The following AMBRA1 variants were observed in gnomAD, a reference collection of about 807,000 sequenced individuals.
The protein encoded by AMBRA1 is autophagy and beclin 1 regulator 1.
A neutral mutation model predicts 125.4 loss-of-function variants in AMBRA1; 47 were observed. The ratio of observed to expected loss-of-function variants is 0.37; its 90% CI spans 0.30 to 0.48. The LOEUF is 0.48. Among genes scored for constraint, AMBRA1 ranks in the 20% least tolerant of loss-of-function variants. The pLI is 0.99. For synonymous variants in AMBRA1, 626 were observed against 655.5 expected (o/e 0.95, Z 0.69); for missense variants, 1,331 against 1,693.4 (o/e 0.79, Z 3.76).
chr11:46,591,626 G>A (rs2044596953), intron 1 of AMBRA1, among the ~76,000 whole-genome samples: 1 of 152,118 alleles, frequency 6.6e-6, no homozygotes, highest in Non-Finnish European at 1.5e-5. Context: ...GGAGGCCAAG[G>A]CAGGTGGATC....
intron 11 of AMBRA1, among the ~76,000 whole-genome samples, chr11:46,455,429 T>G (rs1345852902): frequency 3.9e-5 from 6 of 152,226 alleles, no homozygotes; most frequent in Admixed American, 3.9e-4. Flanking sequence ...ACTATTGGTA[T>G]CTTTTAACAT....
chr11:46,559,856 C>T (rs1231342484), intron 1 of AMBRA1, among the ~76,000 whole-genome samples: 1 of 152,118 alleles, frequency 6.6e-6, no homozygotes, highest in East Asian at 1.9e-4. Flanking sequence ...AGTAATAATA[C>T]CTTCCTTCTA....
intron 1 of AMBRA1, among the ~76,000 whole-genome samples, chr11:46,570,990 C>T (rs2043737775): frequency 6.6e-6 from 1 of 152,174 alleles, no homozygotes; most frequent in African/African-American, 2.4e-5. Context: ...ATACTGTAAC[C>T]ATAACCACTG....
intron 15 of AMBRA1, among the ~76,000 whole-genome samples, chr11:46,413,854 C>T (rs1946409283): frequency 6.6e-6 from 1 of 152,242 alleles, no homozygotes; most frequent in South Asian, 2.1e-4. Context: ...ATGATCCCAA[C>T]ATGTCCTGGT....
At chr11:46,464,829 G>C (rs573277645) in intron 11 of AMBRA1, among the ~76,000 whole-genome samples, 1 of 151,412 alleles carries the variant, frequency 6.6e-6, no homozygotes, top group Admixed American at 6.6e-5. Context: ...GTCGGATCAC[G>C]AGGTCAAGAG....
At position 46,473,134 on chromosome 11, in the gene AMBRA1, G is replaced by A. The variant is rs561055356; in HGVS notation, c.2521+20474C>T. Among the ~76,000 whole-genome samples the A allele has an allele frequency of 2.0e-5, 3 of 152,316 alleles. No homozygotes were observed. In the South Asian group the frequency reaches 6.2e-4, roughly 32 times the overall value. The stretch of plus-strand genomic sequence containing the variant: ...ATTAAGAGGTCAACTTGAATTTAGT[G>A]GTTAATTAATACTTTAATGCAACGT... On this transcript the variant is annotated intron_variant, in intron 11 of 17. Coordinates refer to ENST00000683756, the MANE Select transcript of AMBRA1 (RefSeq NM_001387011.1).
At chr11:46,479,566 A>AGGCGC (rs1315974193) in intron 11 of AMBRA1, among the ~76,000 whole-genome samples, 2 of 151,920 alleles carry the variant, frequency 1.3e-5, no homozygotes, top group Non-Finnish European at 2.9e-5. Context: ...GTGTAGTGGC[A>AGGCGC]GGCGCCTGTA....
intron 4 of AMBRA1, 192 bp from the exon 5 acceptor site, chr11:46,545,968 T>G: frequency 1.9e-6 from 1 of 532,306 alleles, no homozygotes; most frequent in South Asian, 2.4e-5. Context: ...TACTATACAA[T>G]CAGTTCAGTT....
chr11:46,580,412 T>C (rs2044129547), intron 1 of AMBRA1, among the ~76,000 whole-genome samples: 1 of 152,220 alleles, frequency 6.6e-6, no homozygotes, highest in Admixed American at 6.5e-5. Flanking sequence ...TGCACTTGTA[T>C]GTTTTCACAG....
intron 1 of AMBRA1, among the ~76,000 whole-genome samples, chr11:46,592,093 G>A (rs1371488424): frequency 6.6e-6 from 1 of 151,236 alleles, no homozygotes; most frequent in African/African-American, 2.4e-5. Context: ...TTACAGGCAT[G>A]CGCCACCACG....
intron 12 of AMBRA1, among the ~76,000 whole-genome samples, chr11:46,437,934 C>T (rs534980900): frequency 8.5e-5 from 13 of 152,282 alleles, no homozygotes; most frequent in South Asian, 2.1e-4. Context: ...AACTTTAACA[C>T]GTATCAAACT....
At chr11:46,560,163 T>C (rs1448697054) in intron 1 of AMBRA1, among the ~76,000 whole-genome samples, 1 of 152,214 alleles carries the variant, frequency 6.6e-6, no homozygotes, top group African/African-American at 2.4e-5. Context: ...CACAGTCCCT[T>C]TCTTTATAAG....
chr11:46,570,107 A>T (rs1048608743), intron 1 of AMBRA1, among the ~76,000 whole-genome samples: 1 of 151,928 alleles, frequency 6.6e-6, no homozygotes. Context: ...CTAAAAATAT[A>T]AAAAAATAGC....
In AMBRA1 at chr11:46,550,930, CAAAAAAAA is replaced by C. The variant is rs1159824681; in HGVS notation, c.-120-2438_-120-2431del. On this transcript the variant is annotated intron_variant, in intron 1 of 17. Coordinates refer to ENST00000683756, the MANE Select transcript of AMBRA1 (RefSeq NM_001387011.1). ...TGAAACCGCGTCTCTACTAAAAATA[CAAAAAAAA>C]AAAAAAAAAATAGCCAGACGTGGTG... Among the ~76,000 whole-genome samples, 7 of 64,874 alleles carry C rather than the reference CAAAAAAAA, an allele frequency of 1.1e-4. No homozygotes were observed. The East Asian group carries it at 2.0e-3, about 19-fold the overall frequency. The allele number at this position is 64,874 out of a possible 152,430, so 42.6% of individuals were successfully genotyped here.
chr11:46,465,534 A>G (rs549441070), intron 11 of AMBRA1, among the ~76,000 whole-genome samples: 11 of 152,202 alleles, frequency 7.2e-5, no homozygotes, highest in Non-Finnish European at 1.3e-4. Context: ...AGTGACCTAA[A>G]TATTTCAGGT....
intron 11 of AMBRA1, among the ~76,000 whole-genome samples, chr11:46,446,993 T>C (rs1435785328): frequency 6.6e-6 from 1 of 152,236 alleles, no homozygotes; most frequent in East Asian, 1.9e-4. Flanking sequence ...CTTCCTGTCA[T>C]TATCTACTAT....
intron 11 of AMBRA1, among the ~76,000 whole-genome samples, chr11:46,450,779 T>C (rs1948550256): frequency 6.6e-6 from 1 of 152,206 alleles, no homozygotes; most frequent in Admixed American, 6.5e-5. Context: ...TTATTTTCTA[T>C]GTTACTACAA....
At chr11:46,568,108 G>A (rs567466688) in intron 1 of AMBRA1, among the ~76,000 whole-genome samples, 97 of 151,322 alleles carry the variant, frequency 6.4e-4, no homozygotes, top group African/African-American at 2.3e-3. Flanking sequence ...AGATCCTGCC[G>A]CTGCACTCCA....
At chr11:46,534,836 G>C (rs904408290) in intron 7 of AMBRA1, among the ~76,000 whole-genome samples, 17 of 152,154 alleles carry the variant, frequency 1.1e-4, no homozygotes, top group Admixed American at 1.0e-3. Context: ...ACGATGCCCA[G>C]CTAATTTTTG....
Sources: allele counts gnomAD v4.1 joint callset (sites outside exome capture counted in the v4.1 genomes callset), GRCh38; gene constraint gnomAD v4.1.1; transcripts MANE v1.5; gene names NCBI Gene and HGNC (gene_info 2026-07-23, HGNC 2026-07-21).